IRAG1: variants seen among roughly 807,000 people sequenced by gnomAD.
The protein encoded by IRAG1 is inositol 1,4,5-triphosphate receptor associated 1.
Under a neutral mutation model 106.2 loss-of-function variants are expected in IRAG1, and 62 were observed. That is an observed-to-expected ratio of 0.58 (90% confidence interval 0.48 to 0.72). IRAG1 has a LOEUF of 0.72. Among genes scored for constraint, IRAG1 ranks in the 30% least tolerant of loss-of-function variants. The pLI is 0.00. For synonymous variants in IRAG1, 462 were observed against 443.9 expected (o/e 1.04, Z -0.51); for missense variants, 1,064 against 1,140.7 (o/e 0.93, Z 0.97).
At chr11:10,639,475 C>T (rs193047815) in intron 2 of IRAG1, among the ~76,000 whole-genome samples, 39 of 152,262 alleles carry the variant, frequency 2.6e-4, no homozygotes, top group African/African-American at 8.9e-4. Context: ...TGAGAAGGCT[C>T]GCCTTACGGA....
chr11:10,638,543 T>A (rs757189530), intron 2 of IRAG1, among the ~76,000 whole-genome samples: 2 of 152,256 alleles, frequency 1.3e-5, no homozygotes, highest in Non-Finnish European at 2.9e-5. Context: ...CTTCTTTCCC[T>A]GGATTTTATT....
chr11:10,603,372 G>T, intron 13 of IRAG1, 121 bp from the exon 14 acceptor site: 1 of 1,119,686 alleles, frequency 8.9e-7, no homozygotes, highest in East Asian at 2.6e-5. Flanking sequence ...CAAACCTGGT[G>T]GGGGCGATGG....
At chr11:10,607,352 G>T (rs1854561881) in intron 11 of IRAG1, among the ~76,000 whole-genome samples, 1 of 152,144 alleles carries the variant, frequency 6.6e-6, no homozygotes, top group African/African-American at 2.4e-5. Flanking sequence ...AGTGACCAGG[G>T]TTCTTCTCCA....
chr11:10,590,384 A>C (rs116094639), intron 18 of IRAG1, among the ~76,000 whole-genome samples: 2,331 of 152,272 alleles, frequency 0.015, 57 homozygotes, highest in African/African-American at 0.053. Flanking sequence ...AAGACTAACA[A>C]ATCACTGGGT....
chr11:10,629,704 C>T lies in IRAG1; in HGVS notation c.408G>A (p.Ala136=), dbSNP rs200867063. The change falls in exon 5 of 21, where the codon GCG becomes GCA. Residue 136 remains alanine, a synonymous_variant. Coordinates refer to ENST00000423302, the MANE Select transcript of IRAG1 (RefSeq NM_130385.4). ...STASLTSVDP[A]GHIIDLVNDQ... The stretch of plus-strand genomic sequence containing the variant: ...CATTCACCAGGTCAATGATGTGCCC[C>T]GCGGGGTCTGCAGAAGGAGGATGAG... 3.4e-5 allele frequency: 55 copies of T among 1,613,020 alleles called. No individual in the cohort carries two copies. The highest frequency in any genetic ancestry group is 6.7e-5 in the East Asian group (3 of 44,884).
chr11:10,589,460 G>A (rs1852393354), intron 18 of IRAG1, among the ~76,000 whole-genome samples: 1 of 152,086 alleles, frequency 6.6e-6, no homozygotes, highest in South Asian at 2.1e-4. Flanking sequence ...AGTAGAGACA[G>A]GGTTTCACCA....
chr11:10,577,325 T>G (rs946013597), intron 20 of IRAG1, among the ~76,000 whole-genome samples: 3 of 152,160 alleles, frequency 2.0e-5, no homozygotes, highest in Non-Finnish European at 2.9e-5. Flanking sequence ...CTTTCATCTC[T>G]CTCTTCCTCT....
chr11:10,647,271 G>A lies in IRAG1; in HGVS notation c.225+4754C>T, dbSNP rs968768172. On this transcript the variant is annotated intron_variant, in intron 2 of 20. Transcript: ENST00000423302. The surrounding 1 kb of genome is among the most constrained non-coding windows in gnomAD (Gnocchi z 4.3). ...CCCAGATCCTGGGCCTGCCACTTAT[G>A]AGCTGTATGACCTTGGAGGAAGGTA... is the stretch of plus-strand genomic sequence containing the variant. Among the ~76,000 whole-genome samples, 1 of 152,204 alleles carries A rather than the reference G, an allele frequency of 6.6e-6. No homozygotes were observed. Among genetic ancestry groups the A allele is most frequent in the African/African-American group, 2.4e-5 (1 of 41,452 alleles).
chr11:10,652,121 T>C lies in IRAG1; in HGVS notation c.129A>G (p.Thr43=), dbSNP rs1858568568. 1 of 1,611,922 alleles carries C rather than the reference T, an allele frequency of 6.2e-7. No homozygotes were observed. Among genetic ancestry groups the C allele is most frequent in the South Asian group, 1.1e-5 (1 of 90,564 alleles). Residue 43 remains threonine, a synonymous_variant, in exon 2 of 21, where the codon ACA becomes ACG. Coordinates refer to ENST00000423302, the MANE Select transcript of IRAG1 (RefSeq NM_130385.4). ...CAGCCTCCTGCTGGGAGTGGCCACG[T>C]GTGCCCGGAACCTCCGCTGCGTCAG... ...FGADAAEVPG[T]RGHSQQEAAM...
At chr11:10,688,552 C>T (rs1861832099) in intron 1 of IRAG1, among the ~76,000 whole-genome samples, 1 of 152,104 alleles carries the variant, frequency 6.6e-6, no homozygotes, top group South Asian at 2.1e-4. Flanking sequence ...CCACATCCCA[C>T]CCCTAGAGCC....
At chr11:10,638,377 T>C (rs1007552915) in intron 2 of IRAG1, among the ~76,000 whole-genome samples, 9 of 152,222 alleles carry the variant, frequency 5.9e-5, no homozygotes, top group Non-Finnish European at 1.3e-4. Flanking sequence ...TCTGAGTTAC[T>C]GCCCTGTGTC....
chr11:10,608,529 G>C (rs909034284), intron 11 of IRAG1, among the ~76,000 whole-genome samples: 1 of 152,242 alleles, frequency 6.6e-6, no homozygotes, highest in East Asian at 1.9e-4. Flanking sequence ...TGGTATGTCT[G>C]GTGTCTGATG....
intron 1 of IRAG1, among the ~76,000 whole-genome samples, chr11:10,692,524 G>A (rs1392850667): frequency 7.0e-6 from 1 of 142,658 alleles, no homozygotes; most frequent in African/African-American, 2.5e-5. Context: ...ATCGTCCCTC[G>A]GTGGGGGCAA....
At chr11:10,635,268 T>C (rs1447403790) in intron 2 of IRAG1, among the ~76,000 whole-genome samples, 2 of 152,176 alleles carry the variant, frequency 1.3e-5, no homozygotes, top group African/African-American at 4.8e-5. Flanking sequence ...TCATTTTCCT[T>C]CTCCTCCTTC....
At position 10,654,864 on chromosome 11, in the gene IRAG1, C is replaced by T. The variant is rs570290737; in HGVS notation, c.68-2682G>A. Among the ~76,000 whole-genome samples the T allele has an allele frequency of 2.0e-5, 3 of 152,322 alleles. No homozygotes were observed. The South Asian group carries it at 6.2e-4, about 32-fold the overall frequency. ...ATGGGGAGAAGCCACATTGGACAGA[C>T]TTCACCTGGCTCTTGGGAATGAGAA... On this transcript the variant is annotated intron_variant, in intron 1 of 20. Transcript: ENST00000423302.
chr11:10,625,338 G>C (rs1453472178), intron 9 of IRAG1, among the ~76,000 whole-genome samples: 1 of 152,102 alleles, frequency 6.6e-6, no homozygotes, highest in Non-Finnish European at 1.5e-5. Context: ...CTGTTATCTG[G>C]TCTCTATCTC....
chr11:10,623,237 C>G (rs990203355), intron 10 of IRAG1, among the ~76,000 whole-genome samples: 6 of 152,148 alleles, frequency 3.9e-5, no homozygotes, highest in Non-Finnish European at 8.8e-5. Context: ...CAGAACCCTA[C>G]TGAGAACATC....
At chr11:10,649,240 G>C (rs1188046368) in intron 2 of IRAG1, among the ~76,000 whole-genome samples, 1 of 152,198 alleles carries the variant, frequency 6.6e-6, no homozygotes, top group Non-Finnish European at 1.5e-5. Context: ...CACCATGCCT[G>C]GTTGCCTTCT....
intron 2 of IRAG1, among the ~76,000 whole-genome samples, chr11:10,634,909 G>C (rs1368777282): frequency 6.6e-6 from 1 of 151,962 alleles, no homozygotes; most frequent in East Asian, 1.9e-4. Flanking sequence ...AGGTTATTTG[G>C]ATTACTCAGA....
Sources: allele counts gnomAD v4.1 joint callset (sites outside exome capture counted in the v4.1 genomes callset), GRCh38; gene constraint gnomAD v4.1.1; non-coding constraint Gnocchi (gnomAD v3.1); transcripts MANE v1.5; gene names NCBI Gene and HGNC (gene_info 2026-07-23, HGNC 2026-07-21).